The following EXOC4 variants were observed in gnomAD, a reference collection of about 807,000 sequenced individuals.
EXOC4 encodes the protein exocyst complex component 4, also known as SEC8-like 1.
EXOC4 carries 71 observed loss-of-function variants against 107.2 expected under a neutral mutation model. The ratio of observed to expected loss-of-function variants is 0.66; its 90% CI spans 0.55 to 0.81. The LOEUF (loss-of-function observed/expected upper bound fraction) is 0.81. Among genes scored for constraint, EXOC4 ranks in the 30% least tolerant of loss-of-function variants. The pLI is 0.00. For missense variants in EXOC4, 1,108 were observed against 1,189.6 expected (o/e 0.93, Z 1.01); for synonymous variants, 456 against 441.2 (o/e 1.03, Z -0.42).
intron 11 of EXOC4, among the ~76,000 whole-genome samples, chr7:133,888,301 T>C (rs1411635396): frequency 2.4e-4 from 37 of 152,192 alleles, no homozygotes; most frequent in Admixed American, 2.4e-3. Context: ...ATGCCTTTGA[T>C]TTATTCATAG....
At chr7:133,589,076 C>T (rs1197361323) in intron 9 of EXOC4, among the ~76,000 whole-genome samples, 2 of 152,032 alleles carry the variant, frequency 1.3e-5, no homozygotes, top group African/African-American at 2.4e-5. Context: ...AACATAAGCT[C>T]CATCAAGGTC....
intron 10 of EXOC4, among the ~76,000 whole-genome samples, chr7:133,760,381 C>T (rs1167553837): frequency 6.6e-6 from 1 of 152,044 alleles, no homozygotes; most frequent in Non-Finnish European, 1.5e-5. Context: ...AGGATAGACA[C>T]CGTCTTAATA....
chr7:133,543,388 G>C (rs1584988059), intron 9 of EXOC4, among the ~76,000 whole-genome samples: 1 of 152,088 alleles, frequency 6.6e-6, no homozygotes, highest in East Asian at 1.9e-4. Flanking sequence ...AGTCTCAGAG[G>C]AGTATTTTTA....
chr7:133,402,048 G>C (rs1467538248), intron 7 of EXOC4, among the ~76,000 whole-genome samples: 1 of 152,174 alleles, frequency 6.6e-6, no homozygotes, highest in East Asian at 1.9e-4. Context: ...AGAGCCCTTG[G>C]GGAAGCTGGA....
intron 2 of EXOC4, among the ~76,000 whole-genome samples, chr7:133,282,623 A>T (rs1001063100): frequency 6.6e-6 from 1 of 152,122 alleles, no homozygotes; most frequent in Non-Finnish European, 1.5e-5. Context: ...TGTTCCTATT[A>T]AAAAAACCTT....
chr7:133,718,242 C>T (rs973429580), intron 10 of EXOC4, among the ~76,000 whole-genome samples: 2 of 152,134 alleles, frequency 1.3e-5, no homozygotes, highest in Admixed American at 6.5e-5. Flanking sequence ...GTTTGAGTTT[C>T]CCTGGTATTC....
At chr7:134,051,799 C>T (rs1795797988) in intron 17 of EXOC4, among the ~76,000 whole-genome samples, 2 of 152,004 alleles carry the variant, frequency 1.3e-5, no homozygotes, top group African/African-American at 4.8e-5. Flanking sequence ...TCCTGGCTAA[C>T]ACAGTGAAAC....
At chr7:133,337,180 A>G (rs1372529566) in intron 5 of EXOC4, among the ~76,000 whole-genome samples, 1 of 152,126 alleles carries the variant, frequency 6.6e-6, no homozygotes, top group East Asian at 1.9e-4. Context: ...TATTTTATTT[A>G]GTATTTTTGC....
At chr7:133,574,740 T>C (rs1021990855) in intron 9 of EXOC4, among the ~76,000 whole-genome samples, 10 of 152,206 alleles carry the variant, frequency 6.6e-5, no homozygotes, top group African/African-American at 2.4e-4. Context: ...CTGGCTACTC[T>C]CCTCTTCTTC....
chr7:133,390,763 CT>C (rs1044560555), intron 7 of EXOC4, among the ~76,000 whole-genome samples: 4 of 152,184 alleles, frequency 2.6e-5, no homozygotes, highest in African/African-American at 9.7e-5. Context: ...TTCAAAAGTC[CT>C]CCCTAGCTGA....
chr7:134,029,068 A>G (rs1333925755), intron 17 of EXOC4, among the ~76,000 whole-genome samples: 1 of 152,234 alleles, frequency 6.6e-6, no homozygotes, highest in Non-Finnish European at 1.5e-5. Context: ...GTGATAAAGG[A>G]AGCTGACCCT....
At chr7:133,566,612 G>A (rs1368932433) in intron 9 of EXOC4, among the ~76,000 whole-genome samples, 3 of 152,154 alleles carry the variant, frequency 2.0e-5, no homozygotes, top group East Asian at 1.9e-4. Context: ...ATGGTAGACC[G>A]GAAGGTACAT....
intron 10 of EXOC4, among the ~76,000 whole-genome samples, chr7:133,725,346 G>C (rs1020926923): frequency 1.3e-5 from 2 of 152,094 alleles, no homozygotes; most frequent in Admixed American, 1.3e-4. Flanking sequence ...GGGCTAGCTA[G>C]TAACTATATT....
intron 17 of EXOC4, among the ~76,000 whole-genome samples, chr7:134,060,056 G>A (rs1265903130): frequency 6.6e-6 from 1 of 152,088 alleles, no homozygotes; most frequent in Non-Finnish European, 1.5e-5. Context: ...ACAGTCTGTT[G>A]ATAAAGCAAA....
intron 15 of EXOC4, among the ~76,000 whole-genome samples, chr7:134,003,357 A>G (rs1451389459): frequency 6.6e-6 from 1 of 152,130 alleles, no homozygotes; most frequent in Non-Finnish European, 1.5e-5. Flanking sequence ...GTGTTCTGTA[A>G]TTTGGTTCTG....
Position 133,823,865 on chromosome 7 carries a change from AT to A in EXOC4, c.1734+6322del, listed in dbSNP as rs1446799157. Among the ~76,000 whole-genome samples the A allele has an allele frequency of 2.4e-3, 35 of 14,890 alleles. 1 individual carries two copies. In the African/African-American group the frequency reaches 0.025, roughly 11 times the overall value. The allele number at this position is 14,890 out of a possible 152,430, so 9.8% of individuals were successfully genotyped here. The stretch of plus-strand genomic sequence containing the variant: ...ATATTATATATATATATATATATAT[AT>A]ATATATTATATATATATATATATAT... On this transcript the variant is annotated intron_variant, in intron 11 of 17. Coordinates refer to ENST00000253861, the MANE Select transcript of EXOC4 (RefSeq NM_021807.4).
intron 4 of EXOC4, among the ~76,000 whole-genome samples, chr7:133,311,175 A>G (rs1157982938): frequency 1.3e-5 from 2 of 152,206 alleles, no homozygotes; most frequent in Non-Finnish European, 2.9e-5. Context: ...GTCAAATGAA[A>G]TCTAAAGTTC....
At chr7:133,607,959 G>C (rs1245058481) in intron 9 of EXOC4, among the ~76,000 whole-genome samples, 1 of 152,194 alleles carries the variant, frequency 6.6e-6, no homozygotes, top group Non-Finnish European at 1.5e-5. Flanking sequence ...CTATCAGTAA[G>C]TCATTTTTAA....
chr7:133,333,657 A>G (rs1426809451), intron 5 of EXOC4, among the ~76,000 whole-genome samples: 1 of 152,188 alleles, frequency 6.6e-6, no homozygotes, highest in Non-Finnish European at 1.5e-5. Flanking sequence ...ATGTATTTCT[A>G]CATAGATCTG....
Sources: gnomAD v4.1 joint callset for allele counts (sites outside exome capture counted in the v4.1 genomes callset) on GRCh38, gnomAD v4.1.1 for gene constraint, MANE v1.5 for transcripts, NCBI Gene and HGNC (gene_info 2026-07-23, HGNC 2026-07-21) for gene names.